Variants in GEN1 observed in about 807,000 individuals in gnomAD.
GEN1 encodes the protein GEN1 structure-specific endonuclease.
GEN1 carries 64 observed loss-of-function variants against 67.6 expected under a neutral mutation model. The ratio of observed to expected loss-of-function variants is 0.95; its 90% CI spans 0.77 to 1.17. GEN1 has a LOEUF of 1.17. Ranked by LOEUF, GEN1 falls within the 50% of genes most tolerant of loss-of-function variation. GEN1 has a pLI of 0.00. For synonymous variants in GEN1, 371 were observed against 359.4 expected (o/e 1.03, Z -0.37); for missense variants, 1,058 against 1,048.3 (o/e 1.01, Z -0.13).
rs992592294 is a variant in GEN1 at position 17,761,597 on chromosome 2, T to A, written c.348+15T>A. On this transcript the variant is annotated intron_variant, in intron 3 of 13. Coordinates refer to ENST00000381254, the MANE Select transcript of GEN1 (RefSeq NM_001130009.3). ...TCTTAAGAGAGGTGAGCATTCAGAT[T>A]TGATTCAGTAATTCCGATTTGAATT... The A allele has an allele frequency of 1.9e-6, 3 of 1,560,996 alleles. No homozygotes were observed. The highest frequency in any genetic ancestry group is 3.4e-4 in the Middle Eastern group (2 of 5,914).
chr2:17,778,388 GTACATATATGTATATACACACATATA>G (rs1672641184), intron 12 of GEN1, among the ~76,000 whole-genome samples: 1 of 91,388 alleles, frequency 1.1e-5, no homozygotes, highest in African/African-American at 4.8e-5. Flanking sequence ...ATATATGTGT[GTACATATATGTATATACACACATATA>G]TGTGTGTACA....
chr2:17,774,948 G>A (rs974044045), intron 11 of GEN1, among the ~76,000 whole-genome samples: 4 of 151,958 alleles, frequency 2.6e-5, no homozygotes, highest in African/African-American at 9.7e-5. Context: ...AAGCCCACTG[G>A]AAATTACTCA....
At chr2:17,769,133 C>T (rs1672066711) in intron 6 of GEN1, among the ~76,000 whole-genome samples, 1 of 152,136 alleles carries the variant, frequency 6.6e-6, no homozygotes, top group African/African-American at 2.4e-5. Flanking sequence ...GATCCTCCTA[C>T]TTCAGCCTCC....
Position 17,760,104 on chromosome 2 carries a change from G to A in GEN1, c.161G>A (p.Arg54Lys), listed in dbSNP as rs778575832. 1.9e-6 allele frequency: 3 copies of A among 1,613,330 alleles called. No homozygotes were observed. The highest frequency in any genetic ancestry group is 1.7e-5 in the Admixed American group (1 of 59,950). Residue 54 changes from arginine (R) to lysine (K), a missense_variant and splice_region_variant, in exon 2 of 14, where the codon AGG becomes AAG. By Grantham distance (26) the Arg-to-Lys change is conservative. Coordinates refer to ENST00000381254, the MANE Select transcript of GEN1 (RefSeq NM_001130009.3). ...GGCAGCGTCATGAAGCCCCACCTCA[G>A]GTATAGTAAAAGCTCTTACAGTATA... The part of the protein sequence containing the change: ...MMGSVMKPHL[R>K]NLFFRISYLT...
chr2:17,768,755 A>G lies in GEN1; in HGVS notation c.654A>G (p.Gly218=), dbSNP rs1280701875. ...TCTGAAAGGGAGTCCCTGGAGTTGG[A>G]AAAGAGCAAGCATTAAAACTTATAC... ...DYLPKGVPGV[G]KEQALKLIQI... Residue 218 remains glycine, a synonymous_variant, in exon 6 of 14, where the codon GGA becomes GGG. Transcript: ENST00000381254. 8 of 1,611,044 alleles carry G rather than the reference A, an allele frequency of 5.0e-6. No homozygotes were observed. The highest frequency in any genetic ancestry group is 1.6e-4 in the Middle Eastern group (1 of 6,062).
Position 17,781,051 on chromosome 2 carries a change from A to G in GEN1, c.1839A>G (p.Glu613=). 6.2e-7 allele frequency: 1 copy of G among 1,613,942 alleles called. No individual in the cohort carries two copies. The highest frequency in any genetic ancestry group is 8.5e-7 in the Non-Finnish European group (1 of 1,179,850). ...RNTFSHDLKS[E]VESELSAIPD... is the part of the protein sequence containing the mutation. The stretch of plus-strand genomic sequence containing the variant: ...CTTTTTCTCATGATTTAAAATCAGA[A>G]GTTGAATCAGAGCTATCAGCCATCC... Residue 613 remains glutamate (E), a synonymous_variant, in exon 14 of 14, where the codon GAA becomes GAG. Transcript: ENST00000381254.
chr2:17,774,108 C>T (rs1245194939), intron 10 of GEN1, among the ~76,000 whole-genome samples, 163 bp from the exon 11 acceptor site: 1 of 152,008 alleles, frequency 6.6e-6, no homozygotes, highest in East Asian at 1.9e-4. Context: ...AATCATTATG[C>T]AATAATGATT....
At chr2:17,769,626 T>C (rs1275693215) in intron 6 of GEN1, among the ~76,000 whole-genome samples, 1 of 152,230 alleles carries the variant, frequency 6.6e-6, no homozygotes. Context: ...AATTGAAATC[T>C]TACTCGACTG....
chr2:17,766,944 C>T (rs1221044534), intron 5 of GEN1, among the ~76,000 whole-genome samples: 1 of 152,184 alleles, frequency 6.6e-6, no homozygotes, highest in Non-Finnish European at 1.5e-5. Flanking sequence ...TAAACTGTTA[C>T]TCTAGATTAA....
Position 17,772,674 on chromosome 2 carries a change from TA to T in GEN1, c.847del (p.Ser283ValfsTer30). 1 of 1,612,056 alleles carries T rather than the reference TA, an allele frequency of 6.2e-7. No homozygotes were observed. Among genetic ancestry groups the T allele is most frequent in the Non-Finnish European group, 8.5e-7 (1 of 1,178,690 alleles). Reference protein sequence around the residue: ...DHERNGCRLCKSDKYCEPHDY... With the variant: ...DHERNGCRLCXSDKYCEPHDY... ...ATGAACGTAATGGATGCAGATTATG[TA>T]AAAGTGATAAATATTGTGAGCCACA... On this transcript the variant is annotated frameshift_variant, in exon 8 of 14. Transcript: ENST00000381254. LOFTEE classifies it high-confidence loss of function.
chr2:17,784,679 GT>G lies in GEN1; in HGVS notation c.*2744del, dbSNP rs1417587750. 6.6e-6 allele frequency: 1 copy of G among 151,642 alleles called. No homozygotes were observed. Among genetic ancestry groups the G allele is most frequent in the Non-Finnish European group, 1.5e-5 (1 of 68,028 alleles). The allele number at this position is 151,642 out of a possible 1,614,324, so 9.4% of individuals were successfully genotyped here. On this transcript the variant is annotated 3_prime_UTR_variant, in exon 14 of 14. Transcript: ENST00000381254. ...AACTCTTTAAGGACTGTATTGCAAT[GT>G]TTTGAATATTCAGAGAGAAAAAAGT... is the stretch of plus-strand genomic sequence containing the variant.
In GEN1 at chr2:17,772,873, A is replaced by G. The variant is rs300176; in HGVS notation, c.953+89A>G. 809,130 of 1,225,750 alleles carry G rather than the reference A, an allele frequency of 0.66. 272,407 individuals carry two copies. Among genetic ancestry groups the G allele is most frequent in the East Asian group, 0.99 (39,317 of 39,890 alleles). 75.9% of individuals were successfully genotyped at this position (1,225,750 alleles called of 1,614,324 possible). On this transcript the variant is annotated intron_variant, in intron 8 of 13. Transcript: ENST00000381254. ...TTATTTCCATATAATCTTTCCCCAT[A>G]TCTAGATTAGTCACATGTTTAACTA...
In GEN1 at chr2:17,780,617, TCAGG is replaced by T. The variant is rs1419674346; in HGVS notation, c.1409-3_1409del. ...TTGATTATATGTATTTTTTTTCTTT[TCAGG>T]TATTAAGCCTAAAGAAAACAATTTG... On this transcript the variant is annotated splice_acceptor_variant and splice_polypyrimidine_tract_variant and coding_sequence_variant and intron_variant, in exon 14 of 14. Transcript: ENST00000381254. LOFTEE classifies it high-confidence loss of function. 6 of 1,524,188 alleles carry T rather than the reference TCAGG, an allele frequency of 3.9e-6. No homozygotes were observed. Among genetic ancestry groups the T allele is most frequent in the African/African-American group, 2.8e-5 (2 of 71,644 alleles). The allele number at this position is 1,524,188 out of a possible 1,614,324, so 94.4% of individuals were successfully genotyped here.
chr2:17,759,826 C>A, intron 1 of GEN1, 103 bp from the exon 2 acceptor site: 1 of 940,220 alleles, frequency 1.1e-6, no homozygotes, highest in Non-Finnish European at 1.6e-6. Flanking sequence ...AAGGAATATC[C>A]TCTATGAATT....
chr2:17,781,499 G>A lies in GEN1; in HGVS notation c.2287G>A (p.Val763Ile), dbSNP rs768822648. 1.9e-6 allele frequency: 3 copies of A among 1,613,584 alleles called. No homozygotes were observed. Among genetic ancestry groups the A allele is most frequent in the Non-Finnish European group, 2.5e-6 (3 of 1,179,930 alleles). ...SVPYSVSNTVVKTCNVRPPNT... is the reference protein window; with the variant it reads ...SVPYSVSNTVIKTCNVRPPNT... The stretch of plus-strand genomic sequence containing the variant: ...CCCTTATTCTGTCAGTAACACAGTG[G>A]TAAAGACCTGCAATGTTAGACCACC... Residue 763 changes from valine (V) to isoleucine (I), a missense_variant, in exon 14 of 14, where the codon GTA becomes ATA. Val to Ile is a conservative substitution (Grantham distance 29). Coordinates refer to ENST00000381254, the MANE Select transcript of GEN1 (RefSeq NM_001130009.3).
At chr2:17,754,803 C>T (rs1558391509) in intron 1 of GEN1, 1 of 152,178 alleles carries the variant, frequency 6.6e-6, no homozygotes, top group East Asian at 1.9e-4. Flanking sequence ...CAGTCTTTCC[C>T]CCACGGTAAC....
At chr2:17,778,418 GTGTACATA>G (rs1229462396) in intron 12 of GEN1, among the ~76,000 whole-genome samples, 2,275 of 41,426 alleles carry the variant, frequency 0.055, 667 homozygotes, top group African/African-American at 0.084. Context: ...ACATATATGT[GTGTACATA>G]TATGTATATA....
rs1350201835 is a variant in GEN1, at chr2:17,785,776, C to T, written c.*3837C>T. The stretch of plus-strand genomic sequence containing the variant: ...GGGCCTGGTGGCGTGCACCTGTAAT[C>T]CCAGCTACTCGGGAAGCTGAGGCAG... On this transcript the variant is annotated 3_prime_UTR_variant, in exon 14 of 14. Coordinates refer to ENST00000381254, the MANE Select transcript of GEN1 (RefSeq NM_001130009.3). 6.6e-6 allele frequency: 1 copy of T among 152,400 alleles called. No individual in the cohort carries two copies. Among genetic ancestry groups the T allele is most frequent in the Non-Finnish European group, 1.5e-5 (1 of 68,274 alleles). 9.4% of individuals were successfully genotyped at this position (152,400 alleles called of 1,614,324 possible).
intron 7 of GEN1, 81 bp from the exon 8 acceptor site, chr2:17,772,553 T>C (rs1266074834): frequency 7.5e-7 from 1 of 1,334,366 alleles, no homozygotes; most frequent in South Asian, 1.5e-5. Context: ...TTGGAAAATT[T>C]AGATACTGGC....
Sources: gnomAD v4.1 joint callset for allele counts (sites outside exome capture counted in the v4.1 genomes callset) on GRCh38, gnomAD v4.1.1 for gene constraint, MANE v1.5 for transcripts, NCBI Gene and HGNC (gene_info 2026-07-23, HGNC 2026-07-21) for gene names.